The following ALLC variants were observed in gnomAD, a reference collection of about 807,000 sequenced individuals.
ALLC encodes the protein probable inactive allantoicase.
ALLC carries 40 observed loss-of-function variants against 45.0 expected under a neutral mutation model. The observed-to-expected ratio is 0.89, with a 90% CI of 0.69 to 1.16. The LOEUF is 1.16. Among genes scored for constraint, ALLC ranks in the 50% most tolerant of loss-of-function variants. ALLC has a pLI of 0.00. For synonymous variants in ALLC, 176 were observed against 178.1 expected, an observed-to-expected ratio of 0.99 and a Z score of 0.09; for missense variants, 488 against 493.1, an observed-to-expected ratio of 0.99 and a Z score of 0.10.
intron 7 of ALLC, 169 bp from the exon 8 acceptor site, chr2:3,695,548 C>G (rs577388169): frequency 3.0e-6 from 2 of 658,404 alleles, no homozygotes; most frequent in Admixed American, 5.6e-5. Flanking sequence ...AGGGTAATAT[C>G]AAGTGCAAAG....
chr2:3,668,094 A>G (rs1452932444), intron 1 of ALLC, among the ~76,000 whole-genome samples: 2 of 152,198 alleles, frequency 1.3e-5, no homozygotes, highest in Admixed American at 1.3e-4. Context: ...AAGCAGTGAC[A>G]TGTATGCTCA....
chr2:3,653,282 G>T (rs747769207), upstream of ALLC, among the ~76,000 whole-genome samples: 1 of 152,250 alleles, frequency 6.6e-6, no homozygotes, highest in Non-Finnish European at 1.5e-5. The surrounding 1 kb of genome is among the most constrained non-coding windows in gnomAD (Gnocchi z 4.1). Context: ...AAGCTGTGGA[G>T]TTCCATTGCA....
At chr2:3,692,306 A>C (rs996011902) in intron 7 of ALLC, among the ~76,000 whole-genome samples, 1 of 152,228 alleles carries the variant, frequency 6.6e-6, no homozygotes, top group Non-Finnish European at 1.5e-5. Context: ...CCACATTGGA[A>C]GAGGAAGAAT....
intron 4 of ALLC, 90 bp from the exon 5 acceptor site, chr2:3,679,779 G>A: frequency 6.4e-7 from 1 of 1,559,418 alleles, no homozygotes; most frequent in Non-Finnish European, 8.8e-7. Context: ...CCCCTGCTGT[G>A]GGTCAGGTGC....
At chr2:3,668,371 G>T (rs1274316084) in intron 1 of ALLC, among the ~76,000 whole-genome samples, 1 of 152,010 alleles carries the variant, frequency 6.6e-6, no homozygotes, top group South Asian at 2.1e-4. Flanking sequence ...GGTGAGGAGA[G>T]CAGCTTTCAT....
the ALLC span, among the ~76,000 whole-genome samples, chr2:3,649,773 G>C: frequency 6.6e-6 from 1 of 152,230 alleles, no homozygotes; most frequent in Non-Finnish European, 1.5e-5. Flanking sequence ...GACACACCAG[G>C]GACTCACGTG....
At chr2:3,700,734 C>G (rs1158806813) in intron 10 of ALLC, among the ~76,000 whole-genome samples, 1 of 152,186 alleles carries the variant, frequency 6.6e-6, no homozygotes, top group East Asian at 1.9e-4. Flanking sequence ...TCTCTACTTG[C>G]ATCCTTTGTG....
intron 7 of ALLC, 106 bp from the exon 8 acceptor site, chr2:3,695,611 A>G: frequency 7.3e-7 from 1 of 1,370,500 alleles, no homozygotes; most frequent in South Asian, 1.3e-5. Flanking sequence ...GGGTGTGGCC[A>G]AAGCCTACCA....
chr2:3,670,077 C>T (rs9941596), intron 1 of ALLC, among the ~76,000 whole-genome samples: 16,055 of 152,072 alleles, frequency 0.11, 860 homozygotes, highest in African/African-American at 0.16. Context: ...ATCAGGATGT[C>T]GGGAGCGCCT....
intron 1 of ALLC, among the ~76,000 whole-genome samples, chr2:3,665,633 G>T (rs897672370): frequency 2.4e-4 from 36 of 152,218 alleles, no homozygotes; most frequent in African/African-American, 8.4e-4. Context: ...TTCCTGCAAA[G>T]GACATGATCT....
At chr2:3,668,947 A>G (rs986719340) in intron 1 of ALLC, among the ~76,000 whole-genome samples, 2 of 152,114 alleles carry the variant, frequency 1.3e-5, no homozygotes, top group Admixed American at 1.3e-4. Context: ...TGGTCCCTGA[A>G]TATTCCCACT....
the ALLC span, among the ~76,000 whole-genome samples, chr2:3,649,784 C>T: frequency 2.0e-5 from 3 of 152,256 alleles, no homozygotes; most frequent in South Asian, 2.1e-4. Flanking sequence ...GACTCACGTG[C>T]ACACGTGTGG....
At chr2:3,668,566 CTTTTTTTTTTTTTT>C (rs1173613810) in intron 1 of ALLC, among the ~76,000 whole-genome samples, 9 of 71,890 alleles carry the variant, frequency 1.3e-4, no homozygotes, top group African/African-American at 5.9e-4. Context: ...ATGTGTATGA[CTTTTTTTTTTTTTT>C]TTTTTTTTTT....
At chr2:3,684,889 T>C (rs944824374) in intron 7 of ALLC, among the ~76,000 whole-genome samples, 4 of 152,150 alleles carry the variant, frequency 2.6e-5, no homozygotes, top group Non-Finnish European at 5.9e-5. Flanking sequence ...AATAATCACA[T>C]CATGGAGAAT....
intron 10 of ALLC, 118 bp downstream of exon 10, chr2:3,697,574 G>A: frequency 1.4e-6 from 1 of 727,828 alleles, no homozygotes; most frequent in Non-Finnish European, 2.3e-6. Flanking sequence ...CGTTTAAGCT[G>A]TGTAATTTTG....
chr2:3,677,301 T>C (rs1181934893), intron 3 of ALLC, among the ~76,000 whole-genome samples: 9 of 152,022 alleles, frequency 5.9e-5, no homozygotes, highest in South Asian at 4.2e-4. Flanking sequence ...ACCAAAAAGT[T>C]TGGGGCCTTG....
rs550442296 is a variant in ALLC at position 3,686,695 on chromosome 2, T to G, written c.511+3621T>G. ...GGATTCCTCAGTATTTTATAGTTTT[T>G]GTAGCTATTGTATATGCGATTGCCT... is the stretch of plus-strand genomic sequence containing the variant. On this transcript the variant is annotated intron_variant, in intron 7 of 11. Transcript: ENST00000252505. Among the ~76,000 whole-genome samples, 4 of 151,198 alleles carry G rather than the reference T, an allele frequency of 2.6e-5. No homozygotes were observed. In the East Asian group the frequency reaches 7.9e-4, roughly 30 times the overall value.
At chr2:3,660,322 C>T (rs1249135209) in intron 1 of ALLC, among the ~76,000 whole-genome samples, 1 of 152,152 alleles carries the variant, frequency 6.6e-6, no homozygotes, top group African/African-American at 2.4e-5. Context: ...ATGCTAGCGC[C>T]GTGCTTTCTG....
chr2:3,675,129 C>T (rs1052589463), intron 3 of ALLC, among the ~76,000 whole-genome samples: 1 of 152,194 alleles, frequency 6.6e-6, no homozygotes, highest in African/African-American at 2.4e-5. Flanking sequence ...CTGTGGCTCA[C>T]ACCTGTAATC....
Sources: allele counts gnomAD v4.1 joint callset (sites outside exome capture counted in the v4.1 genomes callset), GRCh38; gene constraint gnomAD v4.1.1; non-coding constraint Gnocchi (gnomAD v3.1); transcripts MANE v1.5; gene names NCBI Gene and HGNC (gene_info 2026-07-23, HGNC 2026-07-21).